Variants in TMEM131L observed in about 807,000 individuals in gnomAD.
TMEM131L encodes the protein transmembrane 131 like.
TMEM131L carries 54 observed loss-of-function variants against 192.2 expected under a neutral mutation model. That is an observed-to-expected ratio of 0.28 (90% CI 0.23 to 0.35). TMEM131L has a LOEUF of 0.35. Among genes scored for constraint, TMEM131L ranks in the 10% least tolerant of loss-of-function variants. TMEM131L has a pLI of 1.00. For synonymous variants in TMEM131L, 701 were observed against 704.9 expected, an observed-to-expected ratio of 0.99 and a Z score of 0.09; for missense variants, 1,888 against 1,972.9, an observed-to-expected ratio of 0.96 and a Z score of 0.82.
chr4:153,497,234 G>A (rs1733241838), intron 3 of TMEM131L, among the ~76,000 whole-genome samples: 1 of 152,178 alleles, frequency 6.6e-6, no homozygotes, highest in South Asian at 2.1e-4. Context: ...GCCCGTGAGT[G>A]TGTGCTGCTG....
chr4:153,591,266 G>A (rs1731048105), intron 17 of TMEM131L, 72 bp downstream of exon 17: 1 of 1,403,640 alleles, frequency 7.1e-7, no homozygotes, highest in South Asian at 1.6e-5. Flanking sequence ...GTACCAGATT[G>A]TGTCCACCTT....
Position 153,596,699 on chromosome 4 carries a change from C to T in TMEM131L, c.2123+314C>T, listed in dbSNP as rs370925199. Among the ~76,000 whole-genome samples, 62 of 152,314 alleles carry T rather than the reference C, an allele frequency of 4.1e-4. 1 individual carries two copies. The highest frequency in any genetic ancestry group is 1.3e-3 in the African/African-American group (56 of 41,566). On this transcript the variant is annotated intron_variant, in intron 20 of 34. Coordinates refer to ENST00000409959, the MANE Select transcript of TMEM131L (RefSeq NM_001131007.2). ...ACTCATGCAGATCTACTCCTCTGTCCTTAGCATAGAAAGATCGTTAAAGGA... is the reference window on the plus strand; with the variant it reads ...ACTCATGCAGATCTACTCCTCTGTCTTTAGCATAGAAAGATCGTTAAAGGA...
intron 4 of TMEM131L, among the ~76,000 whole-genome samples, chr4:153,553,708 G>A (rs540140258): frequency 3.9e-5 from 6 of 152,246 alleles, no homozygotes; most frequent in African/African-American, 1.4e-4. Flanking sequence ...GTAAAATCGG[G>A]ATCTTGTTAC....
At chr4:153,488,341 G>T (rs896266728) in intron 3 of TMEM131L, among the ~76,000 whole-genome samples, 9 of 152,214 alleles carry the variant, frequency 5.9e-5, no homozygotes, top group Non-Finnish European at 1.5e-5. Flanking sequence ...AGCAGCACGG[G>T]GCACTGCCCA....
intron 3 of TMEM131L, among the ~76,000 whole-genome samples, chr4:153,533,717 A>G (rs992403424): frequency 2.0e-5 from 3 of 152,158 alleles, no homozygotes; most frequent in African/African-American, 7.2e-5. Flanking sequence ...TTCTAGCTTA[A>G]TCTCTTTCTA....
intron 3 of TMEM131L, among the ~76,000 whole-genome samples, chr4:153,518,749 C>T (rs1403774799): frequency 2.0e-5 from 3 of 152,062 alleles, no homozygotes; most frequent in Non-Finnish European, 4.4e-5. Flanking sequence ...ATCAATAGCC[C>T]GACTTGGTGC....
At chr4:153,541,479 C>T (rs1736773103) in intron 3 of TMEM131L, among the ~76,000 whole-genome samples, 1 of 152,172 alleles carries the variant, frequency 6.6e-6, no homozygotes, top group Admixed American at 6.5e-5. Flanking sequence ...CCAAGGCACT[C>T]ACTGGCGTGG....
chr4:153,524,321 T>C (rs939928972), intron 3 of TMEM131L, among the ~76,000 whole-genome samples: 1 of 152,166 alleles, frequency 6.6e-6, no homozygotes, highest in Admixed American at 6.5e-5. Flanking sequence ...CTAAGTTGTG[T>C]GTGTCGGTTG....
chr4:153,612,394 C>T lies in TMEM131L; in HGVS notation c.3561C>T (p.Phe1187=), dbSNP rs1251083221. The T allele has an allele frequency of 6.9e-6, 11 of 1,585,214 alleles. No homozygotes were observed. Among genetic ancestry groups the T allele is most frequent in the Middle Eastern group, 1.7e-4 (1 of 6,008 alleles). ...DMFSEKQDIP[F]VEQEDPYRKK... ...TTTCTGAGAAACAGGACATACCTTT[C>T]GTAGAGGTCTGTATTTTTTTTCTTG... The change falls in exon 26 of 35, where the codon TTC becomes TTT. Residue 1187 remains phenylalanine (F), a synonymous_variant. Coordinates refer to ENST00000409959, the MANE Select transcript of TMEM131L (RefSeq NM_001131007.2).
chr4:153,596,160 A>G, intron 19 of TMEM131L, 98 bp from the exon 20 acceptor site: 2 of 1,402,346 alleles, frequency 1.4e-6, no homozygotes, highest in Non-Finnish European at 2.0e-6. Flanking sequence ...TCTGGACATT[A>G]AAAGAGAAGC....
At chr4:153,603,591 G>C (rs1380480702) in intron 24 of TMEM131L, 139 bp downstream of exon 24, 1 of 1,053,780 alleles carries the variant, frequency 9.5e-7, no homozygotes, top group Admixed American at 2.9e-5. Context: ...TATGTGAACA[G>C]CTGCCCCATT....
chr4:153,473,978 A>T, intron 3 of TMEM131L, 90 bp downstream of exon 3: 2 of 814,236 alleles, frequency 2.5e-6, no homozygotes, highest in Non-Finnish European at 3.9e-6. Context: ...GTCCATGTTT[A>T]TGTATTTAGT....
intron 3 of TMEM131L, among the ~76,000 whole-genome samples, chr4:153,540,612 G>C (rs562217661): frequency 6.6e-6 from 1 of 152,240 alleles, no homozygotes; most frequent in South Asian, 2.1e-4. Flanking sequence ...ACTGCCTTGG[G>C]TAGATAGAAG....
At chr4:153,534,893 G>A (rs573205971) in intron 3 of TMEM131L, among the ~76,000 whole-genome samples, 72 of 152,350 alleles carry the variant, frequency 4.7e-4, no homozygotes, top group African/African-American at 1.6e-3. Context: ...TGTGGTGAGA[G>A]CACCGTGGGT....
At chr4:153,620,911 G>C in intron 27 of TMEM131L, 31 bp downstream of exon 27, 2 of 1,541,194 alleles carry the variant, frequency 1.3e-6, no homozygotes, top group Non-Finnish European at 1.7e-6. Flanking sequence ...CTAATATTTT[G>C]ATCTATTTTT....
chr4:153,587,381 C>CT (rs909214771), intron 14 of TMEM131L, among the ~76,000 whole-genome samples: 49 of 148,986 alleles, frequency 3.3e-4, no homozygotes, highest in Non-Finnish European at 5.7e-4. Flanking sequence ...CTAATCTAAT[C>CT]TTTTTTTTTT....
chr4:153,560,830 T>C (rs1728798581), intron 7 of TMEM131L, among the ~76,000 whole-genome samples: 1 of 152,258 alleles, frequency 6.6e-6, no homozygotes, highest in African/African-American at 2.4e-5. Context: ...ACTCTGGCTA[T>C]TATGAATGAC....
intron 7 of TMEM131L, among the ~76,000 whole-genome samples, chr4:153,561,180 C>T (rs866054703): frequency 2.6e-5 from 4 of 152,270 alleles, no homozygotes; most frequent in South Asian, 2.1e-4. Flanking sequence ...ATTTGTATAT[C>T]GTCTTTGGGG....
chr4:153,536,093 G>A (rs541378029), intron 3 of TMEM131L, among the ~76,000 whole-genome samples: 1 of 152,280 alleles, frequency 6.6e-6, no homozygotes, highest in Admixed American at 6.5e-5. Flanking sequence ...GATTCATACC[G>A]TGCTTTGTCT....
Sources: gnomAD v4.1 joint callset for allele counts (sites outside exome capture counted in the v4.1 genomes callset) on GRCh38, gnomAD v4.1.1 for gene constraint, MANE v1.5 for transcripts, NCBI Gene and HGNC (gene_info 2026-07-23, HGNC 2026-07-21) for gene names.